The following TSC22D2 variants were observed in gnomAD, a reference collection of about 807,000 sequenced individuals.
TSC22D2 encodes TSC22 domain family protein 2.
A neutral mutation model predicts 50.1 loss-of-function variants in TSC22D2; 5 were observed. The ratio of observed to expected loss-of-function variants is 0.10; its 90% CI spans 0.05 to 0.21. The LOEUF (loss-of-function observed/expected upper bound fraction) is 0.21, where lower values mean the gene tolerates loss of function less well. Ranked by LOEUF, TSC22D2 falls within the 10% of genes least tolerant of loss-of-function variation. TSC22D2 has a pLI of 1.00. For missense variants in TSC22D2, 1,003 were observed against 1,015.5 expected (o/e 0.99, Z 0.17); for synonymous variants, 501 against 450.1 (o/e 1.11, Z -1.43).
rs553741500 is a variant in TSC22D2, at chr3:150,466,086, C to A, written c.*7450C>A. 6.6e-6 allele frequency: 1 copy of A among 152,194 alleles called. No individual in the cohort carries two copies. The highest frequency in any genetic ancestry group is 1.5e-5 in the Non-Finnish European group (1 of 68,002). 9.4% of individuals were successfully genotyped at this position (152,194 alleles called of 1,614,324 possible). On this transcript the variant is annotated 3_prime_UTR_variant, in exon 3 of 3. Transcript: ENST00000688009. Reference sequence around the variant, plus strand: ...TATCAATGAAAAAGAGAGAGTCCTACATGTCCGGCATGGAAGGATCTCCAG... The same window carrying A: ...TATCAATGAAAAAGAGAGAGTCCTAAATGTCCGGCATGGAAGGATCTCCAG...
At chr3:150,436,134 C>T (rs1321762887) in intron 1 of TSC22D2, among the ~76,000 whole-genome samples, 2 of 152,032 alleles carry the variant, frequency 1.3e-5, no homozygotes, top group African/African-American at 4.8e-5. Flanking sequence ...AAAATATATG[C>T]TTAGGAAAAT....
chr3:150,422,094 T>C (rs1720029970), intron 1 of TSC22D2, among the ~76,000 whole-genome samples: 1 of 152,238 alleles, frequency 6.6e-6, no homozygotes, highest in Non-Finnish European at 1.5e-5. Flanking sequence ...TTAATGAGTG[T>C]AAAGCACTTA....
At chr3:150,420,989 G>C (rs1248108667) in intron 1 of TSC22D2, among the ~76,000 whole-genome samples, 1 of 152,138 alleles carries the variant, frequency 6.6e-6, no homozygotes, top group Non-Finnish European at 1.5e-5. Context: ...AGGCTGAGGC[G>C]GGAGGATCAT....
In TSC22D2 at chr3:150,458,427, T is replaced by C. The variant is rs374237645; in HGVS notation, c.2062T>C (p.Leu688=). Reference sequence around the variant, plus strand: ...TGCAGTAAGAGAAGAAGTGGAAGTTTTAAAGGAACAAATAAAAGAATTAGT... The same window carrying C: ...TGCAGTAAGAGAAGAAGTGGAAGTTCTAAAGGAACAAATAAAAGAATTAGT... The part of the protein sequence containing the change: ...MYAVREEVEV[L]KEQIKELVER... Residue 688 remains leucine (L), a synonymous_variant, in exon 3 of 3, where the codon TTA becomes CTA. Transcript: ENST00000688009. 6.4e-5 allele frequency: 103 copies of C among 1,613,972 alleles called. No individual in the cohort carries two copies. The highest frequency in any genetic ancestry group is 1.6e-4 in the Middle Eastern group (1 of 6,084).
chr3:150,419,034 A>T (rs1456136026), intron 1 of TSC22D2, among the ~76,000 whole-genome samples: 1 of 152,032 alleles, frequency 6.6e-6, no homozygotes, highest in Non-Finnish European at 1.5e-5. Flanking sequence ...GTACATGTTG[A>T]GATACTCTAC....
chr3:150,411,074 C>T lies in TSC22D2; in HGVS notation c.1724C>T (p.Ser575Phe), dbSNP rs2108056636. The stretch of plus-strand genomic sequence containing the variant: ...AGCGCACCAACAAGTCTACCACAGT[C>T]TGACCTAAGCCAGTTTCAAACTCAG... ...THSAPTSLPQSDLSQFQTQTQ... is the reference protein window; with the variant it reads ...THSAPTSLPQFDLSQFQTQTQ... The change falls in exon 1 of 3, where the codon TCT becomes TTT. Residue 575 changes from serine (S) to phenylalanine (F), a missense_variant. Ser to Phe is a radical substitution (Grantham distance 155). Coordinates refer to ENST00000688009, the MANE Select transcript of TSC22D2 (RefSeq NM_001303264.2). 1 of 1,614,218 alleles carries T rather than the reference C, an allele frequency of 6.2e-7. No homozygotes were observed. The highest frequency in any genetic ancestry group is 8.5e-7 in the Non-Finnish European group (1 of 1,180,046).
chr3:150,446,517 TG>T (rs1287515954), intron 1 of TSC22D2, among the ~76,000 whole-genome samples: 1 of 152,180 alleles, frequency 6.6e-6, no homozygotes, highest in African/African-American at 2.4e-5. Flanking sequence ...AAAAGAAAGA[TG>T]TAATTCTTTG....
intron 1 of TSC22D2, among the ~76,000 whole-genome samples, chr3:150,433,845 TG>T (rs1720451746): frequency 6.6e-6 from 1 of 152,212 alleles, no homozygotes; most frequent in Non-Finnish European, 1.5e-5. Context: ...AAGGCCAAGG[TG>T]GACAGATTGC....
chr3:150,438,199 A>AT, intron 1 of TSC22D2: 58 of 419,204 alleles, frequency 1.4e-4, no homozygotes, highest in Non-Finnish European at 2.1e-4. Flanking sequence ...CTTTGCTAGA[A>AT]TTTTTTTTAG....
chr3:150,458,671 A>C lies in TSC22D2; in HGVS notation c.*35A>C. The C allele has an allele frequency of 6.2e-7, 1 of 1,608,928 alleles. No individual in the cohort carries two copies. The highest frequency in any genetic ancestry group is 1.1e-5 in the South Asian group (1 of 90,222). On this transcript the variant is annotated 3_prime_UTR_variant, in exon 3 of 3. Transcript: ENST00000688009. ...AAGCCTCATTAAGAAAAAAACTGAA[A>C]GCAATCTATCCTTGTGTGCCACTGG...
At chr3:150,426,711 T>G (rs1244290045) in intron 1 of TSC22D2, among the ~76,000 whole-genome samples, 1 of 152,198 alleles carries the variant, frequency 6.6e-6, no homozygotes, top group African/African-American at 2.4e-5. Context: ...TCTGCTTGTC[T>G]GTCCTTATGA....
chr3:150,441,053 A>AT (rs1553818657), intron 1 of TSC22D2, among the ~76,000 whole-genome samples: 1 of 148,832 alleles, frequency 6.7e-6, no homozygotes, highest in African/African-American at 2.4e-5. Context: ...TATATTAAAA[A>AT]ATATATATAT....
At position 150,409,241 on chromosome 3, in the gene TSC22D2, C is replaced by T; in HGVS notation, c.-110C>T. 1 of 1,322,406 alleles carries T rather than the reference C, an allele frequency of 7.6e-7. No homozygotes were observed. Among genetic ancestry groups the T allele is most frequent in the Non-Finnish European group, 1.0e-6 (1 of 985,806 alleles). 81.9% of individuals were successfully genotyped at this position (1,322,406 alleles called of 1,614,324 possible). On this transcript the variant is annotated 5_prime_UTR_variant, in exon 1 of 3. Transcript: ENST00000688009. The surrounding 1 kb of genome is among the most constrained non-coding windows in gnomAD (Gnocchi z 7.4). Reference sequence around the variant, plus strand: ...CTCTTAACAGCGGCGGGCCTCAGACCCCAGCGCAGACTCGGACTTTGTCTT... The same window carrying T: ...CTCTTAACAGCGGCGGGCCTCAGACTCCAGCGCAGACTCGGACTTTGTCTT...
At chr3:150,437,027 A>G (rs149427929) in intron 1 of TSC22D2, among the ~76,000 whole-genome samples, 1 of 151,922 alleles carries the variant, frequency 6.6e-6, no homozygotes, top group Non-Finnish European at 1.5e-5. Context: ...CCACCCCTTT[A>G]TAGTGTTTTA....
At chr3:150,417,701 G>A (rs908844779) in intron 1 of TSC22D2, among the ~76,000 whole-genome samples, 3 of 152,068 alleles carry the variant, frequency 2.0e-5, no homozygotes, top group African/African-American at 7.2e-5. Flanking sequence ...TGGCAAACGT[G>A]TATCACAGAA....
chr3:150,453,706 C>T (rs369204321), intron 1 of TSC22D2, among the ~76,000 whole-genome samples: 3 of 152,270 alleles, frequency 2.0e-5, no homozygotes, highest in African/African-American at 7.2e-5. Flanking sequence ...TTTATCTGAA[C>T]TCAAAAAATT....
Position 150,458,822 on chromosome 3 carries a change from G to T in TSC22D2, c.*186G>T. On this transcript the variant is annotated 3_prime_UTR_variant, in exon 3 of 3. Coordinates refer to ENST00000688009, the MANE Select transcript of TSC22D2 (RefSeq NM_001303264.2). ...TGAGATGTCATGCAGCGCTGTTGAT[G>T]TCCAGTTCTATGTCATCAGTACACA... 1 of 690,238 alleles carries T rather than the reference G, an allele frequency of 1.4e-6. No homozygotes were observed. Among genetic ancestry groups the T allele is most frequent in the Non-Finnish European group, 2.4e-6 (1 of 416,222 alleles). The allele number at this position is 690,238 out of a possible 1,614,324, so 42.8% of individuals were successfully genotyped here.
In TSC22D2 at chr3:150,436,175, C is replaced by T. The variant is rs182792257; in HGVS notation, c.1959-20901C>T. ...TATATAACTTTTGTATCTTTTAAAA[C>T]GTATACAGCTCTAAAGTCCTGATTT... On this transcript the variant is annotated intron_variant, in intron 1 of 2. Coordinates refer to ENST00000688009, the MANE Select transcript of TSC22D2 (RefSeq NM_001303264.2). 2.2e-3 allele frequency among the ~76,000 whole-genome samples: 337 copies of T among 152,160 alleles called. 1 individual carries two copies. Among genetic ancestry groups the T allele is most frequent in the African/African-American group, 7.9e-3 (326 of 41,494 alleles).
At chr3:150,450,375 C>T (rs1721004274) in intron 1 of TSC22D2, among the ~76,000 whole-genome samples, 1 of 151,910 alleles carries the variant, frequency 6.6e-6, no homozygotes, top group Non-Finnish European at 1.5e-5. Flanking sequence ...GAAATTTTAC[C>T]TGCTTGCTCA....
Sources: gnomAD v4.1 joint callset for allele counts (sites outside exome capture counted in the v4.1 genomes callset) on GRCh38, gnomAD v4.1.1 for gene constraint, Gnocchi (gnomAD v3.1) non-coding constraint, MANE v1.5 for transcripts, NCBI Gene and HGNC (gene_info 2026-07-23, HGNC 2026-07-21) for gene names.